The following MARVELD2 variants were observed in gnomAD, a reference collection of about 807,000 sequenced individuals.
The protein encoded by MARVELD2 is MARVEL domain-containing protein 2.
MARVELD2 carries 49 observed loss-of-function variants against 57.6 expected under a neutral mutation model. That is an observed-to-expected ratio of 0.85 (90% CI 0.68 to 1.08). The LOEUF (loss-of-function observed/expected upper bound fraction) is 1.08, where lower values mean the gene tolerates loss of function less well. MARVELD2 is among the 50% of genes least tolerant of loss of function. The probability of loss-of-function intolerance (pLI) is 0.00; values close to 1 mark genes in which losing one functional copy is unlikely to be tolerated. For missense variants in MARVELD2, 606 were observed against 701.1 expected (o/e 0.86, Z 1.53); for synonymous variants, 238 against 258.8 (o/e 0.92, Z 0.77).
chr5:69,417,645 A>G (rs531345486), intron 1 of MARVELD2, among the ~76,000 whole-genome samples: 7 of 152,134 alleles, frequency 4.6e-5, no homozygotes, highest in Admixed American at 3.9e-4. Flanking sequence ...GTCTACTAAA[A>G]ATTTTAAAGA....
In MARVELD2 at chr5:69,441,781, C is replaced by A; in HGVS notation, c.*127C>A. The A allele has an allele frequency of 3.1e-6, 2 of 646,830 alleles. No individual in the cohort carries two copies. The highest frequency in any genetic ancestry group is 5.3e-6 in the Non-Finnish European group (2 of 375,484). The allele number at this position is 646,830 out of a possible 1,614,324, so 40.1% of individuals were successfully genotyped here. A position where few individuals can be genotyped will look rare whatever the true frequency, so the allele number is the denominator to read the frequency against. On this transcript the variant is annotated 3_prime_UTR_variant, in exon 7 of 7. Coordinates refer to ENST00000325631, the MANE Select transcript of MARVELD2 (RefSeq NM_001038603.3). The stretch of plus-strand genomic sequence containing the variant: ...CACTGCAACCTCCACCTCCCGGGTT[C>A]AAGCAATTCTCCTGTTCAAGCAATT...
At chr5:69,415,804 C>G (rs75521040) in intron 1 of MARVELD2, 2,150 of 152,404 alleles carry the variant, frequency 0.014, 59 homozygotes, top group African/African-American at 0.049. Flanking sequence ...ATTTCTCCTG[C>G]CATTGCCGCG....
intron 3 of MARVELD2, among the ~76,000 whole-genome samples, chr5:69,430,354 G>A (rs140133881): frequency 1.3e-5 from 2 of 152,020 alleles, no homozygotes; most frequent in African/African-American, 2.4e-5. Context: ...GCCACAGAAC[G>A]AGACTCTGTC....
At chr5:69,436,010 A>G (rs1161287540) in intron 5 of MARVELD2, among the ~76,000 whole-genome samples, 2 of 152,146 alleles carry the variant, frequency 1.3e-5, no homozygotes, top group Non-Finnish European at 2.9e-5. Flanking sequence ...ATATGGATAT[A>G]CCACATTTTG....
Position 69,441,702 on chromosome 5 carries a change from A to T in MARVELD2, c.*48A>T. ...TTTTTTATTTTATTTTATTTTTTTGAGATGAAGTCTCGCTCTGTTACCCAG... is the reference window on the plus strand; with the variant it reads ...TTTTTTATTTTATTTTATTTTTTTGTGATGAAGTCTCGCTCTGTTACCCAG... On this transcript the variant is annotated 3_prime_UTR_variant, in exon 7 of 7. Transcript: ENST00000325631. The T allele has an allele frequency of 7.4e-7, 1 of 1,345,782 alleles. No individual in the cohort carries two copies. The allele number at this position is 1,345,782 out of a possible 1,614,324, so 83.4% of individuals were successfully genotyped here.
intron 1 of MARVELD2, 134 bp downstream of exon 1, chr5:69,415,304 A>G (rs911611282): frequency 1.3e-5 from 2 of 151,702 alleles, no homozygotes; most frequent in Admixed American, 1.3e-4. Context: ...GGCCGGAGCC[A>G]GGGATCCGGG....
chr5:69,436,603 T>C (rs1356823191), intron 5 of MARVELD2, among the ~76,000 whole-genome samples: 1 of 152,130 alleles, frequency 6.6e-6, no homozygotes. Context: ...AGCAATGGAA[T>C]GGTGTTGGCT....
In MARVELD2 at chr5:69,432,518, T is replaced by C; in HGVS notation, c.1183-9T>C. 6.2e-7 allele frequency: 1 copy of C among 1,614,010 alleles called. No individual in the cohort carries two copies. Among genetic ancestry groups the C allele is most frequent in the Non-Finnish European group, 8.5e-7 (1 of 1,179,860 alleles). ...TATTAACAAATCCTCTTTTTCTCCC[T>C]AACTGCAGTGTGAAATGGCCACCAG... On this transcript the variant is annotated splice_polypyrimidine_tract_variant and intron_variant, in intron 3 of 6. Transcript: ENST00000325631.
chr5:69,441,589 C>G lies in MARVELD2; in HGVS notation c.1612C>G (p.His538Asp), dbSNP rs771037630. The change falls in exon 7 of 7, where the codon CAC becomes GAC. Residue 538 changes from histidine (H) to aspartate (D), a missense_variant. By Grantham distance (81) the His-to-Asp change is moderately conservative (BLOSUM62 -1). Transcript: ENST00000325631. ...TGATTACCTAAAGAATAAACTTTCT[C>G]ACATAAAGCAAAGAATTCAAGAATA... Reference protein sequence around the residue: ...RCDYLKNKLSHIKQRIQEYDK... With the variant: ...RCDYLKNKLSDIKQRIQEYDK... 6.2e-7 allele frequency: 1 copy of G among 1,601,304 alleles called. No homozygotes were observed. The highest frequency in any genetic ancestry group is 8.6e-7 in the Non-Finnish European group (1 of 1,168,850).
In MARVELD2 at chr5:69,444,011, A is replaced by AAAAAAAAAAAAAAAAAAAAAAAAC; in HGVS notation, c.*2368_*2369insAAAAAAAAAAAACAAAAAAAAAAA. ...ACTTAAGAAGAGCACCAGTGCTTTAAAAAAAAAAAAAGGTAAAATATTACC... is the reference window on the plus strand; with the variant it reads ...ACTTAAGAAGAGCACCAGTGCTTTAAAAAAAAAAAAAAAAAAAAAAAAACAAAAAAAAAAAGGTAAAATATTACC... On this transcript the variant is annotated 3_prime_UTR_variant, in exon 7 of 7. Coordinates refer to ENST00000325631, the MANE Select transcript of MARVELD2 (RefSeq NM_001038603.3). 6.7e-6 allele frequency: 1 copy of AAAAAAAAAAAAAAAAAAAAAAAAC among 149,318 alleles called. No homozygotes were observed. The highest frequency in any genetic ancestry group is 1.5e-5 in the Non-Finnish European group (1 of 67,378). 9.2% of individuals were successfully genotyped at this position (149,318 alleles called of 1,614,324 possible). A position where few individuals can be genotyped will look rare whatever the true frequency, so the allele number is the denominator to read the frequency against.
intron 1 of MARVELD2, chr5:69,419,080 A>G: frequency 2.2e-6 from 1 of 453,508 alleles, no homozygotes; most frequent in African/African-American, 2.0e-5. Context: ...CGCATGCCAC[A>G]ACGCCTGGCT....
At chr5:69,427,303 C>T (rs2150921992) in intron 3 of MARVELD2, among the ~76,000 whole-genome samples, 1 of 152,068 alleles carries the variant, frequency 6.6e-6, no homozygotes, top group Non-Finnish European at 1.5e-5. Context: ...AGGTCAGGGG[C>T]CTGTGCATTA....
At chr5:69,417,625 G>T (rs1766469257) in intron 1 of MARVELD2, among the ~76,000 whole-genome samples, 1 of 152,046 alleles carries the variant, frequency 6.6e-6, no homozygotes, top group Admixed American at 6.6e-5. Context: ...GCAACATAGT[G>T]ATACTTAATG....
In MARVELD2 at chr5:69,442,607, T is replaced by A. The variant is rs1767357728; in HGVS notation, c.*953T>A. The A allele has an allele frequency of 6.6e-6, 1 of 152,198 alleles. No homozygotes were observed. The allele number at this position is 152,198 out of a possible 1,614,324, so 9.4% of individuals were successfully genotyped here. A position where few individuals can be genotyped will look rare whatever the true frequency, so the allele number is the denominator to read the frequency against. ...AGAATGAGTCTCAAGAAAAGGTCCT[T>A]AATGAGCAAGCCCAACCTACTTAAC... is the stretch of plus-strand genomic sequence containing the variant. On this transcript the variant is annotated 3_prime_UTR_variant, in exon 7 of 7. Transcript: ENST00000325631.
intron 2 of MARVELD2, among the ~76,000 whole-genome samples, chr5:69,423,710 C>T (rs1766698656): frequency 6.6e-6 from 1 of 152,006 alleles, no homozygotes; most frequent in Admixed American, 6.6e-5. Context: ...TGGCCTCAAG[C>T]AATCCTCTCC....
chr5:69,423,252 T>C (rs1478643088), intron 2 of MARVELD2, among the ~76,000 whole-genome samples: 1 of 152,136 alleles, frequency 6.6e-6, no homozygotes, highest in African/African-American at 2.4e-5. Context: ...GTTGTCGTTG[T>C]TGTTGTTGTT....
In MARVELD2 at chr5:69,437,063, C is replaced by A. The variant is rs1019682010; in HGVS notation, c.1504-3387C>A. Among the ~76,000 whole-genome samples the A allele has an allele frequency of 2.6e-5, 4 of 151,952 alleles. 1 individual carries two copies. In the South Asian group the frequency reaches 8.3e-4, roughly 32 times the overall value. ...AATTAGCCAGGCATGGTGGTGTGTG[C>A]CTGTAATTCCAGCTACTCAGGAGGC... On this transcript the variant is annotated intron_variant, in intron 5 of 6. Coordinates refer to ENST00000325631, the MANE Select transcript of MARVELD2 (RefSeq NM_001038603.3).
intron 2 of MARVELD2, among the ~76,000 whole-genome samples, chr5:69,423,697 T>C (rs1035287899): frequency 6.6e-6 from 1 of 152,198 alleles, no homozygotes; most frequent in Non-Finnish European, 1.5e-5. Context: ...GGTCTCAAAC[T>C]CCTGGCCTCA....
intron 2 of MARVELD2, among the ~76,000 whole-genome samples, chr5:69,421,620 A>T (rs1156311462): frequency 6.6e-6 from 1 of 151,904 alleles, no homozygotes. Context: ...TTGGTTTTAA[A>T]ATTTTTTTAA....
Sources: gnomAD v4.1 joint callset for allele counts (sites outside exome capture counted in the v4.1 genomes callset) on GRCh38, gnomAD v4.1.1 for gene constraint, MANE v1.5 for transcripts, NCBI Gene and HGNC (gene_info 2026-07-23, HGNC 2026-07-21) for gene names.